Variants in THSD4 observed in about 807,000 individuals in gnomAD.
THSD4 encodes thrombospondin type 1 domain containing 4.
THSD4 carries 69 observed loss-of-function variants against 119.0 expected under a neutral mutation model. The observed-to-expected ratio is 0.58, with a 90% CI of 0.48 to 0.71. The LOEUF (loss-of-function observed/expected upper bound fraction) is 0.71. Among genes scored for constraint, THSD4 ranks in the 30% least tolerant of loss-of-function variants. The pLI is 0.00. For missense variants in THSD4, 1,393 were observed against 1,391.1 expected, an observed-to-expected ratio of 1.00 and a Z score of -0.02; for synonymous variants, 524 against 540.4, an observed-to-expected ratio of 0.97 and a Z score of 0.42.
At chr15:71,528,551 C>A (rs1384883111) in intron 7 of THSD4, among the ~76,000 whole-genome samples, 1 of 152,178 alleles carries the variant, frequency 6.6e-6, no homozygotes, top group Non-Finnish European at 1.5e-5. Flanking sequence ...TAAAATTTCT[C>A]CCCCGTGGTT....
chr15:71,727,879 A>AG (rs1341296826), intron 8 of THSD4, among the ~76,000 whole-genome samples: 1 of 152,004 alleles, frequency 6.6e-6, no homozygotes, highest in Non-Finnish European at 1.5e-5. Context: ...AAGGGGTAAT[A>AG]AACTGAGACT....
Position 71,119,016 on chromosome 15 carries a change from G to A in THSD4, c.-80+3318G>A, listed in dbSNP as rs188983889. Reference sequence around the variant, plus strand: ...TGCCCACAGCCTCGCTGGCTTGTTAGCCTCACTGGGGCCATGCTTAGTGAG... The same window carrying A: ...TGCCCACAGCCTCGCTGGCTTGTTAACCTCACTGGGGCCATGCTTAGTGAG... On this transcript the variant is annotated intron_variant, in intron 1 of 17. Transcript: ENST00000261862. Among the ~76,000 whole-genome samples the A allele has an allele frequency of 3.9e-5, 6 of 152,282 alleles. No individual in the cohort carries two copies. In the East Asian group the frequency reaches 1.2e-3, roughly 29 times the overall value.
intron 7 of THSD4, among the ~76,000 whole-genome samples, chr15:71,554,727 C>T: frequency 6.7e-6 from 1 of 148,564 alleles, no homozygotes; most frequent in Non-Finnish European, 1.5e-5. Flanking sequence ...AAAAAGTTAC[C>T]TTTTTTTTTT....
In THSD4 at chr15:71,578,844, C is replaced by CTTTT. The variant is rs373480493; in HGVS notation, c.1153-81672_1153-81669dup. On this transcript the variant is annotated intron_variant, in intron 7 of 17. Transcript: ENST00000261862. ...CTTGGGGGACTCTGGACTGCATTAA[C>CTTTT]TTTTTTTTTTTTTTTTTGAGACGGA... Among the ~76,000 whole-genome samples the CTTTT allele has an allele frequency of 7.3e-4, 96 of 132,270 alleles. 2 individuals carry two copies. Among genetic ancestry groups the CTTTT allele is most frequent in the Middle Eastern group, 4.1e-3 (1 of 242 alleles). The allele number at this position is 132,270 out of a possible 152,430, so 86.8% of individuals were successfully genotyped here. A position where few individuals can be genotyped will look rare whatever the true frequency, so the allele number is the denominator to read the frequency against.
At chr15:71,378,172 T>A (rs2046176020) in intron 6 of THSD4, among the ~76,000 whole-genome samples, 1 of 152,244 alleles carries the variant, frequency 6.6e-6, no homozygotes, top group African/African-American at 2.4e-5. Flanking sequence ...TAAAGATTAG[T>A]GATGTGTATA....
intron 2 of THSD4, among the ~76,000 whole-genome samples, chr15:71,143,762 G>C (rs146952431): frequency 4.1e-4 from 57 of 137,798 alleles, no homozygotes; most frequent in African/African-American, 1.5e-3. Flanking sequence ...CTGGAGTACA[G>C]TGGCGCAATC....
chr15:71,222,536 G>A (rs972103282), intron 4 of THSD4, among the ~76,000 whole-genome samples: 1 of 152,188 alleles, frequency 6.6e-6, no homozygotes, highest in Admixed American at 6.5e-5. Context: ...TGGGTGGCTG[G>A]GATATGAAAG....
intron 6 of THSD4, among the ~76,000 whole-genome samples, chr15:71,286,610 C>T (rs1199104216): frequency 2.6e-5 from 4 of 152,208 alleles, no homozygotes; most frequent in Non-Finnish European, 4.4e-5. Context: ...CTGCAATGAA[C>T]ATATGCATGC....
chr15:71,369,450 C>T (rs946321296), intron 6 of THSD4, among the ~76,000 whole-genome samples: 9 of 152,114 alleles, frequency 5.9e-5, no homozygotes, highest in African/African-American at 7.2e-5. Context: ...TTTTGAGATA[C>T]GTCCCATCAA....
chr15:71,376,959 C>T (rs1036286231), intron 6 of THSD4, among the ~76,000 whole-genome samples: 2 of 152,180 alleles, frequency 1.3e-5, no homozygotes, highest in African/African-American at 4.8e-5. Flanking sequence ...TAAGGAGATG[C>T]TGTACGAATA....
intron 10 of THSD4, chr15:71,731,798 A>C (rs956038702): frequency 6.5e-6 from 1 of 153,554 alleles, no homozygotes; most frequent in Admixed American, 6.4e-5. Flanking sequence ...TTAAGAAAAA[A>C]CAACACAAAT....
At chr15:71,275,709 G>A (rs2044581411) in intron 6 of THSD4, among the ~76,000 whole-genome samples, 1 of 152,072 alleles carries the variant, frequency 6.6e-6, no homozygotes, top group Admixed American at 6.5e-5. Flanking sequence ...GTCCAGGTGG[G>A]GATAATTGAA....
chr15:71,511,267 A>T (rs940077252), intron 7 of THSD4, among the ~76,000 whole-genome samples: 4 of 152,156 alleles, frequency 2.6e-5, no homozygotes, highest in African/African-American at 9.7e-5. Flanking sequence ...TTGGTATTGG[A>T]CTGAGGCAGA....
chr15:71,565,215 G>A (rs1360076631), intron 7 of THSD4, among the ~76,000 whole-genome samples: 1 of 152,230 alleles, frequency 6.6e-6, no homozygotes, highest in Non-Finnish European at 1.5e-5. Context: ...CCAGGCTGAA[G>A]TCCTGGGCAC....
intron 7 of THSD4, among the ~76,000 whole-genome samples, chr15:71,467,121 C>T (rs1158493746): frequency 6.6e-6 from 1 of 152,230 alleles, no homozygotes; most frequent in Non-Finnish European, 1.5e-5. Context: ...CTTCTACAAC[C>T]TCACGTGCTG....
At chr15:71,609,609 T>C (rs1278672917) in intron 7 of THSD4, among the ~76,000 whole-genome samples, 2 of 151,864 alleles carry the variant, frequency 1.3e-5, no homozygotes, top group Non-Finnish European at 2.9e-5. Flanking sequence ...TCCCAGCACT[T>C]TGGGAGGCCG....
chr15:71,367,679 A>G (rs2045983458), intron 6 of THSD4, among the ~76,000 whole-genome samples: 1 of 152,148 alleles, frequency 6.6e-6, no homozygotes, highest in Admixed American at 6.5e-5. Context: ...AATCCAGTCT[A>G]TCATTGATGG....
chr15:71,518,520 G>A lies in THSD4; in HGVS notation c.1152+106697G>A, dbSNP rs2048393261. 2.6e-5 allele frequency among the ~76,000 whole-genome samples: 4 copies of A among 152,160 alleles called. No homozygotes were observed. In the South Asian group the frequency reaches 8.3e-4, roughly 31 times the overall value. ...CCAAGTTTAAGTGACTTTAATCTTA[G>A]TAAAGTTTTAAGGTTTATGTTATCC... On this transcript the variant is annotated intron_variant, in intron 7 of 17. Coordinates refer to ENST00000261862, the MANE Select transcript of THSD4 (RefSeq NM_024817.3).
chr15:71,343,696 A>G (rs1474694401), intron 6 of THSD4, among the ~76,000 whole-genome samples: 3 of 149,300 alleles, frequency 2.0e-5, no homozygotes, highest in Non-Finnish European at 3.0e-5. Context: ...TCCTAAATCT[A>G]GGATAATCTC....
Sources: allele counts gnomAD v4.1 joint callset (sites outside exome capture counted in the v4.1 genomes callset), GRCh38; gene constraint gnomAD v4.1.1; transcripts MANE v1.5; gene names NCBI Gene and HGNC (gene_info 2026-07-23, HGNC 2026-07-21).